Variants in CCDC148 observed in about 807,000 individuals in gnomAD.
The protein encoded by CCDC148 is coiled-coil domain-containing protein 148.
In CCDC148, 89 loss-of-function variants were observed where a neutral mutation model predicts 85.7. That is an observed-to-expected ratio of 1.04 (90% CI 0.87 to 1.24). The LOEUF is 1.24. CCDC148 is among the 50% of genes most tolerant of loss of function. The pLI, the probability that CCDC148 is intolerant of heterozygous loss-of-function variation, is 0.00. For synonymous variants in CCDC148, 230 were observed against 213.9 expected (o/e 1.08, Z -0.66); for missense variants, 692 against 671.7 (o/e 1.03, Z -0.33).
At chr2:158,316,675 A>G (rs1424343983) in intron 7 of CCDC148, among the ~76,000 whole-genome samples, 2 of 152,218 alleles carry the variant, frequency 1.3e-5, no homozygotes, top group Non-Finnish European at 2.9e-5. Context: ...AGCCTTAAAT[A>G]TTGGAGCAAA....
At chr2:158,282,578 G>C (rs562200273) in intron 9 of CCDC148, among the ~76,000 whole-genome samples, 929 of 151,310 alleles carry the variant, frequency 6.1e-3, no homozygotes, top group African/African-American at 0.022. Context: ...CAAGGGACGT[G>C]AAGGACCTCT....
At position 158,456,657 on chromosome 2, in the gene CCDC148, TCTCCGCCACCCCCTCC is replaced by T; in HGVS notation, c.-234_-219del. 1 of 606,108 alleles carries T rather than the reference TCTCCGCCACCCCCTCC, an allele frequency of 1.6e-6. No homozygotes were observed. Among genetic ancestry groups the T allele is most frequent in the Non-Finnish European group, 2.9e-6 (1 of 348,552 alleles). The allele number at this position is 606,108 out of a possible 1,614,324, so 37.5% of individuals were successfully genotyped here. A position where few individuals can be genotyped will look rare whatever the true frequency, so the allele number is the denominator to read the frequency against. On this transcript the variant is annotated 5_prime_UTR_variant, in exon 1 of 14. An upstream open reading frame in the 5' UTR gains an earlier in-frame stop. Coordinates refer to ENST00000283233, the MANE Select transcript of CCDC148 (RefSeq NM_138803.4). The stretch of plus-strand genomic sequence containing the variant: ...CCAGCGCTGGGGAATCTCCCTGTCC[TCTCCGCCACCCCCTCC>T]CGCGCCCGAGACCTGAGACACCTTC...
chr2:158,174,552 G>A (rs570889386), intron 13 of CCDC148, among the ~76,000 whole-genome samples: 43 of 151,828 alleles, frequency 2.8e-4, no homozygotes, highest in Middle Eastern at 3.4e-3. Flanking sequence ...TCTGAGAAAC[G>A]TGTCCTTAGG....
At chr2:158,282,643 GGA>G (rs1487572348) in intron 9 of CCDC148, among the ~76,000 whole-genome samples, 1 of 152,146 alleles carries the variant, frequency 6.6e-6, no homozygotes, top group Non-Finnish European at 1.5e-5. Flanking sequence ...ACACAGAAAT[GGA>G]AAAACATTCC....
At chr2:158,394,990 T>C (rs993907665) in intron 1 of CCDC148, among the ~76,000 whole-genome samples, 1 of 152,136 alleles carries the variant, frequency 6.6e-6, no homozygotes, top group African/African-American at 2.4e-5. Flanking sequence ...CTTTGTTTTC[T>C]CTTTAATTAT....
intron 11 of CCDC148, among the ~76,000 whole-genome samples, chr2:158,212,493 A>G (rs1686632629): frequency 6.6e-6 from 1 of 152,164 alleles, no homozygotes; most frequent in Non-Finnish European, 1.5e-5. Context: ...ATAACTGTCA[A>G]TTCTCTGATG....
In CCDC148 at chr2:158,250,843, C is replaced by T. The variant is rs762337761; in HGVS notation, c.1180G>A (p.Glu394Lys). ...LEMEISARRR[E>K]KEEEKEKLWK... ...AGTTTCTCTTTCTCCTCTTCCTTTT[C>T]TCTTCTTCTGGCAGAAATTTCCATT... Residue 394 changes from glutamate (E) to lysine (K), a missense_variant, in exon 10 of 14, where the codon GAA (glutamate) becomes AAA (lysine). Glu to Lys is a moderately conservative substitution (Grantham distance 56). Transcript: ENST00000283233. 11 of 1,605,810 alleles carry T rather than the reference C, an allele frequency of 6.9e-6. No individual in the cohort carries two copies. The highest frequency in any genetic ancestry group is 9.3e-6 in the Non-Finnish European group (11 of 1,177,608).
At chr2:158,225,060 T>A (rs1223230108) in intron 10 of CCDC148, among the ~76,000 whole-genome samples, 4 of 152,018 alleles carry the variant, frequency 2.6e-5, no homozygotes. Context: ...ACGAAACCCA[T>A]CTCATGTGAA....
chr2:158,451,648 T>C (rs1415455005), intron 1 of CCDC148, among the ~76,000 whole-genome samples: 2 of 152,092 alleles, frequency 1.3e-5, no homozygotes, highest in Non-Finnish European at 2.9e-5. Context: ...CTTGAAAGGA[T>C]GAGAACAGAT....
At chr2:158,175,825 C>T (rs1254023047) in intron 13 of CCDC148, among the ~76,000 whole-genome samples, 1 of 151,938 alleles carries the variant, frequency 6.6e-6, no homozygotes, top group Admixed American at 6.6e-5. Flanking sequence ...AAACTGACAA[C>T]TACTTTCTCT....
intron 2 of CCDC148, among the ~76,000 whole-genome samples, chr2:158,351,111 A>T (rs1436278012): frequency 6.6e-6 from 1 of 152,132 alleles, no homozygotes; most frequent in Non-Finnish European, 1.5e-5. Context: ...ACCAAACAGC[A>T]TGGTTTTTAT....
intron 1 of CCDC148, among the ~76,000 whole-genome samples, chr2:158,410,781 A>G (rs1320218527): frequency 6.6e-6 from 1 of 151,986 alleles, no homozygotes; most frequent in Non-Finnish European, 1.5e-5. Flanking sequence ...TTGTCTATAT[A>G]TTTATCTTTA....
intron 2 of CCDC148, among the ~76,000 whole-genome samples, chr2:158,353,509 T>C (rs1386803029): frequency 1.5e-4 from 23 of 151,670 alleles, no homozygotes; most frequent in Admixed American, 1.2e-3. Context: ...AAGGGATCAA[T>C]TCAACAAGAA....
chr2:158,247,315 C>T (rs945521421), intron 10 of CCDC148, among the ~76,000 whole-genome samples: 1 of 151,948 alleles, frequency 6.6e-6, no homozygotes, highest in African/African-American at 2.4e-5. Context: ...ATCAAATTGA[C>T]AAAAGTAAAA....
At chr2:158,370,937 T>C (rs950737320) in intron 1 of CCDC148, among the ~76,000 whole-genome samples, 5 of 151,844 alleles carry the variant, frequency 3.3e-5, no homozygotes, top group African/African-American at 1.2e-4. Context: ...TAATTCTGCA[T>C]AGCAAATATT....
At chr2:158,353,137 G>C (rs1158728618) in intron 2 of CCDC148, among the ~76,000 whole-genome samples, 1 of 149,096 alleles carries the variant, frequency 6.7e-6, no homozygotes, top group Non-Finnish European at 1.5e-5. Context: ...AAAATGTAAA[G>C]ACCATCGAGA....
chr2:158,326,433 T>C (rs1692780763), intron 7 of CCDC148, among the ~76,000 whole-genome samples: 1 of 152,232 alleles, frequency 6.6e-6, no homozygotes, highest in Non-Finnish European at 1.5e-5. Flanking sequence ...ATTATGTTTA[T>C]GGTTTTCAGC....
chr2:158,311,499 A>AGCGGGAGACGGAGATGAC (rs1166993259), intron 8 of CCDC148, among the ~76,000 whole-genome samples: 11 of 152,154 alleles, frequency 7.2e-5, no homozygotes, highest in Non-Finnish European at 1.6e-4. Context: ...GACCGTGGAA[A>AGCGGGAGACGGAGATGAC]GCGGGAGACG....
chr2:158,357,620 C>T (rs565315285), intron 2 of CCDC148, among the ~76,000 whole-genome samples: 1 of 151,936 alleles, frequency 6.6e-6, no homozygotes, highest in Non-Finnish European at 1.5e-5. Context: ...TTATATAAAC[C>T]AAATAAATAA....
Sources: gnomAD v4.1 joint callset for allele counts (sites outside exome capture counted in the v4.1 genomes callset) on GRCh38, gnomAD v4.1.1 for gene constraint, MANE v1.5 for transcripts, NCBI Gene and HGNC (gene_info 2026-07-23, HGNC 2026-07-21) for gene names.